The following CHPT1 variants were observed in gnomAD, a reference collection of about 807,000 sequenced individuals.
CHPT1 encodes choline phosphotransferase 1, also known as cholinephosphotransferase 1.
A neutral mutation model predicts 47.6 loss-of-function variants in CHPT1; 36 were observed. The observed-to-expected ratio is 0.76, with a 90% CI of 0.58 to 1.00. CHPT1 has a LOEUF of 1.00. CHPT1 is among the 50% of genes least tolerant of loss of function. The pLI is 0.00. For synonymous variants in CHPT1, 194 were observed against 186.3 expected (o/e 1.04, Z -0.33); for missense variants, 458 against 498.1 (o/e 0.92, Z 0.77).
In CHPT1 at chr12:101,698,077, C is replaced by G. The variant is rs1277455566; in HGVS notation, c.216C>G (p.Ala72=). The change falls in exon 1 of 9, where the codon GCC becomes GCG. Residue 72 remains alanine (A), a synonymous_variant. Transcript: ENST00000229266. ...ACTCCATCACCCTGCTGGGGCTCGCCGTCAACGTGGTCACCACGCTCGTGC... is the reference window on the plus strand; with the variant it reads ...ACTCCATCACCCTGCTGGGGCTCGCGGTCAACGTGGTCACCACGCTCGTGC... ...APNSITLLGL[A]VNVVTTLVLI... 1.7e-5 allele frequency: 26 copies of G among 1,568,088 alleles called. No individual in the cohort carries two copies. Among genetic ancestry groups the G allele is most frequent in the Non-Finnish European group, 2.1e-5 (25 of 1,165,342 alleles).
chr12:101,703,206 C>T (rs1437553528), intron 1 of CHPT1, among the ~76,000 whole-genome samples: 1 of 152,136 alleles, frequency 6.6e-6, no homozygotes, highest in South Asian at 2.1e-4. Flanking sequence ...ACAGAAGCAA[C>T]CCAGTACAGT....
At chr12:101,717,053 A>G (rs1241762739) in intron 4 of CHPT1, among the ~76,000 whole-genome samples, 1 of 152,078 alleles carries the variant, frequency 6.6e-6, no homozygotes, top group South Asian at 2.1e-4. Flanking sequence ...GAAGAAGACA[A>G]CCTCATTTCC....
chr12:101,702,120 G>A (rs555115491), intron 1 of CHPT1, among the ~76,000 whole-genome samples: 1 of 152,288 alleles, frequency 6.6e-6, no homozygotes, highest in African/African-American at 2.4e-5. Flanking sequence ...ATTATTTAAT[G>A]TAACTCCTAC....
intron 1 of CHPT1, among the ~76,000 whole-genome samples, chr12:101,711,648 A>G (rs1951702571): frequency 6.7e-6 from 1 of 148,508 alleles, no homozygotes; most frequent in South Asian, 2.1e-4. Flanking sequence ...TTGAACTGTA[A>G]AATGAATAGA....
chr12:101,725,192 G>A (rs1365574415), intron 7 of CHPT1, among the ~76,000 whole-genome samples: 2 of 151,966 alleles, frequency 1.3e-5, no homozygotes, highest in Non-Finnish European at 2.9e-5. Flanking sequence ...TTTTTCTGGA[G>A]TAACTTAATA....
chr12:101,723,583 G>A, intron 6 of CHPT1, 139 bp from the exon 7 acceptor site: 2 of 635,188 alleles, frequency 3.1e-6, no homozygotes, highest in Non-Finnish European at 5.1e-6. Context: ...GTGAATTTGA[G>A]AAGGTGTAGA....
In CHPT1 at chr12:101,717,147, AAAAT is replaced by A. The variant is rs1448699385; in HGVS notation, c.648+340_648+343del. On this transcript the variant is annotated intron_variant, in intron 4 of 8. Transcript: ENST00000229266. ...AGGGTGAAATAAAATAAATATTTTAAAAATAAATCCAGTAAAATGTTTTACATTT... is the reference window on the plus strand; with the variant it reads ...AGGGTGAAATAAAATAAATATTTTAAAAATCCAGTAAAATGTTTTACATTT... 1.1e-5 allele frequency: 4 copies of A among 373,556 alleles called. No homozygotes were observed. In the Admixed American group the frequency reaches 1.4e-4, roughly 13 times the overall value. 23.1% of individuals were successfully genotyped at this position (373,556 alleles called of 1,614,324 possible).
chr12:101,728,872 T>A, intron 8 of CHPT1, 29 bp from the exon 9 acceptor site: 1 of 1,610,706 alleles, frequency 6.2e-7, no homozygotes, highest in Non-Finnish European at 8.5e-7. Context: ...GCTTCTTAGC[T>A]AACGTTATAA....
rs1270540996 is a variant in CHPT1, at chr12:101,714,530, G to A, written c.448G>A (p.Ala150Thr). ...TVFMAVGASI[A>T]ARLGTYPDWF... ...ATTTATGGCAGTGGGAGCTTCAATT[G>A]CCGCTCGCTTAGGAACTTATCCTGA... The change falls in exon 3 of 9, where the codon GCC becomes ACC. Residue 150 changes from alanine (A) to threonine (T), a missense_variant. By Grantham distance (58) the Ala-to-Thr change is moderately conservative. Coordinates refer to ENST00000229266, the MANE Select transcript of CHPT1 (RefSeq NM_020244.3). 7 of 1,605,746 alleles carry A rather than the reference G, an allele frequency of 4.4e-6. No homozygotes were observed. Among genetic ancestry groups the A allele is most frequent in the Non-Finnish European group, 5.1e-6 (6 of 1,177,338 alleles).
chr12:101,712,186 T>G (rs1364782545), intron 1 of CHPT1, among the ~76,000 whole-genome samples: 1 of 147,896 alleles, frequency 6.8e-6, no homozygotes, highest in African/African-American at 2.4e-5. Context: ...CGCACCAGGC[T>G]AATTTTTATA....
At chr12:101,702,904 T>G (rs1951574099) in intron 1 of CHPT1, among the ~76,000 whole-genome samples, 1 of 152,158 alleles carries the variant, frequency 6.6e-6, no homozygotes, top group African/African-American at 2.4e-5. Flanking sequence ...TGAGAATGAA[T>G]GTCTCCTTAA....
At chr12:101,715,976 G>A (rs1214277515) in intron 3 of CHPT1, among the ~76,000 whole-genome samples, 2 of 152,130 alleles carry the variant, frequency 1.3e-5, no homozygotes, top group African/African-American at 4.8e-5. Context: ...CCTTTAATTG[G>A]AATTGAAAAT....
rs749250020 is a variant in CHPT1 at position 101,697,924 on chromosome 12, G to A, written c.63G>A (p.Leu21=). 8.2e-6 allele frequency: 12 copies of A among 1,466,198 alleles called. No individual in the cohort carries two copies. The highest frequency in any genetic ancestry group is 9.9e-6 in the Non-Finnish European group (11 of 1,113,310). The allele number at this position is 1,466,198 out of a possible 1,614,324, so 90.8% of individuals were successfully genotyped here. The change falls in exon 1 of 9, where the codon CTG becomes CTA. Residue 21 remains leucine (L), a synonymous_variant. Transcript: ENST00000229266. ...GGCTGAGGGCGCTGAGCGAGCCGCTGAGCGCGGCGCAGCTGCGGCGACTGG... is the reference window on the plus strand; with the variant it reads ...GGCTGAGGGCGCTGAGCGAGCCGCTAAGCGCGGCGCAGCTGCGGCGACTGG... ...PRWLRALSEP[L]SAAQLRRLEE... is the part of the protein sequence containing the mutation.
At chr12:101,727,016 A>T (rs1471489729) in intron 8 of CHPT1, 1 of 152,222 alleles carries the variant, frequency 6.6e-6, no homozygotes, top group Non-Finnish European at 1.5e-5. Context: ...AATAAAAGGA[A>T]TTTGTTGTAC....
At chr12:101,704,864 A>G (rs1375344056) in intron 1 of CHPT1, among the ~76,000 whole-genome samples, 1 of 69,110 alleles carries the variant, frequency 1.4e-5, no homozygotes, top group South Asian at 5.4e-4. Flanking sequence ...CAGCACTTTT[A>G]TAAACATTTT....
Position 101,697,984 on chromosome 12 carries a change from G to T in CHPT1, c.123G>T (p.Leu41=), listed in dbSNP as rs1951488952. ...EHRYSAAGVS[L]LEPPLQLYWT... ...GCTACAGCGCGGCGGGCGTCTCGCT[G>T]CTCGAGCCGCCGCTGCAGCTCTACT... Residue 41 remains leucine (L), a synonymous_variant, in exon 1 of 9, where the codon CTG becomes CTT. Transcript: ENST00000229266. 4.6e-6 allele frequency: 7 copies of T among 1,525,284 alleles called. No individual in the cohort carries two copies. The highest frequency in any genetic ancestry group is 6.1e-6 in the Non-Finnish European group (7 of 1,148,082). 94.5% of individuals were successfully genotyped at this position (1,525,284 alleles called of 1,614,324 possible). A position where few individuals can be genotyped will look rare whatever the true frequency, so the allele number is the denominator to read the frequency against.
chr12:101,726,568 T>G, intron 8 of CHPT1, 164 bp downstream of exon 8: 1 of 1,062,372 alleles, frequency 9.4e-7, no homozygotes, highest in African/African-American at 1.6e-5. Flanking sequence ...TGTGTCTTAT[T>G]TCAGTTATGA....
intron 1 of CHPT1, among the ~76,000 whole-genome samples, chr12:101,712,928 T>G (rs1472760154): frequency 1.3e-5 from 2 of 148,752 alleles, no homozygotes; most frequent in Admixed American, 1.4e-4. Flanking sequence ...TTCTCCTGCT[T>G]CTTTGCATGA....
At chr12:101,708,576 A>T (rs1951662288) in intron 1 of CHPT1, among the ~76,000 whole-genome samples, 1 of 152,184 alleles carries the variant, frequency 6.6e-6, no homozygotes, top group African/African-American at 2.4e-5. Flanking sequence ...AGTAGATATT[A>T]TGAAAACTAT....
Sources: gnomAD v4.1 joint callset for allele counts (sites outside exome capture counted in the v4.1 genomes callset) on GRCh38, gnomAD v4.1.1 for gene constraint, MANE v1.5 for transcripts, NCBI Gene and HGNC (gene_info 2026-07-23, HGNC 2026-07-21) for gene names.